The following FAM171A1 variants were observed in gnomAD, a reference collection of about 807,000 sequenced individuals.
FAM171A1 encodes the protein family with sequence similarity 171 member A1, also known as protein FAM171A1.
A neutral mutation model predicts 74.9 loss-of-function variants in FAM171A1; 23 were observed. The ratio of observed to expected loss-of-function variants is 0.31; its 90% confidence interval spans 0.22 to 0.44. The LOEUF (loss-of-function observed/expected upper bound fraction) is 0.44. Among genes scored for constraint, FAM171A1 ranks in the 20% least tolerant of loss-of-function variants. The pLI is 1.00. For missense variants in FAM171A1, 1,162 were observed against 1,159.2 expected (o/e 1.00, Z -0.03); for synonymous variants, 527 against 505.7 (o/e 1.04, Z -0.57).
At chr10:15,296,897 A>C (rs1835167996) in intron 1 of FAM171A1, among the ~76,000 whole-genome samples, 1 of 152,146 alleles carries the variant, frequency 6.6e-6, no homozygotes, top group Admixed American at 6.5e-5. Flanking sequence ...ATCTCAGGCA[A>C]CTGATGCTTA....
In FAM171A1 at chr10:15,214,287, C is replaced by A. The variant is rs1166569856; in HGVS notation, c.1301G>T (p.Cys434Phe). The change falls in exon 8 of 8, where the codon TGC becomes TTC. Residue 434 changes from cysteine (C) to phenylalanine (F), a missense_variant. Transcript: ENST00000378116. ...EFSSREELLS[C>F]KEEDKSQISF... ...GATCTGGCTTTTATCCTCTTCCTTGCAAGAGAGGAGCTCCTCCCGGGAGCT... is the reference window on the plus strand; with the variant it reads ...GATCTGGCTTTTATCCTCTTCCTTGAAAGAGAGGAGCTCCTCCCGGGAGCT... The A allele has an allele frequency of 1.2e-6, 2 of 1,613,710 alleles. No individual in the cohort carries two copies. The highest frequency in any genetic ancestry group is 1.1e-5 in the South Asian group (1 of 90,998).
intron 4 of FAM171A1, among the ~76,000 whole-genome samples, chr10:15,251,540 C>CA (rs1325893939): frequency 3.3e-5 from 5 of 151,658 alleles, no homozygotes; most frequent in African/African-American, 9.7e-5. Flanking sequence ...GTAGCTGGGA[C>CA]AACAGGCACA....
rs188393681 is a variant in FAM171A1, at chr10:15,233,767, T to G, written c.755-12707A>C. On this transcript the variant is annotated intron_variant, in intron 5 of 7. Coordinates refer to ENST00000378116, the MANE Select transcript of FAM171A1 (RefSeq NM_001010924.2). The stretch of plus-strand genomic sequence containing the variant: ...AAATACAAAAAGTAGCTGGGCATGG[T>G]GGCACATGCCTATAATCCCAGCTAT... Among the ~76,000 whole-genome samples the G allele has an allele frequency of 6.4e-3, 972 of 152,204 alleles. 12 individuals are homozygous for G. The highest frequency in any genetic ancestry group is 0.022 in the African/African-American group (930 of 41,528).
intron 1 of FAM171A1, among the ~76,000 whole-genome samples, chr10:15,350,876 C>G (rs547040858): frequency 1.3e-5 from 2 of 152,274 alleles, no homozygotes; most frequent in South Asian, 2.1e-4. Flanking sequence ...CTCCTGACCT[C>G]GAGTGATCTG....
At chr10:15,337,755 C>A (rs1338571108) in intron 1 of FAM171A1, among the ~76,000 whole-genome samples, 1 of 152,184 alleles carries the variant, frequency 6.6e-6, no homozygotes, top group East Asian at 1.9e-4. Flanking sequence ...TTGAGAACAG[C>A]CTGGCCAACG....
At chr10:15,329,173 T>C (rs754839708) in intron 1 of FAM171A1, among the ~76,000 whole-genome samples, 2 of 152,190 alleles carry the variant, frequency 1.3e-5, no homozygotes, top group Non-Finnish European at 2.9e-5. Flanking sequence ...TTTTAGTAGA[T>C]ATTCATGTGT....
chr10:15,282,865 T>C (rs527921728), intron 2 of FAM171A1, among the ~76,000 whole-genome samples: 46 of 152,152 alleles, frequency 3.0e-4, no homozygotes, highest in African/African-American at 1.1e-3. Flanking sequence ...TCTCCTGGGG[T>C]CCTGTCTCAG....
At chr10:15,248,859 C>T (rs1174160340) in intron 4 of FAM171A1, 44 bp from the exon 5 acceptor site, 2 of 1,555,812 alleles carry the variant, frequency 1.3e-6, no homozygotes, top group East Asian at 4.6e-5. Flanking sequence ...GCAAAGTACC[C>T]ATGTGGGGCT....
At chr10:15,335,173 G>T (rs769437639) in intron 1 of FAM171A1, among the ~76,000 whole-genome samples, 1 of 152,190 alleles carries the variant, frequency 6.6e-6, no homozygotes, top group African/African-American at 2.4e-5. Flanking sequence ...GAGCCCAGGA[G>T]GTGGAATTTG....
Position 15,363,143 on chromosome 10 carries a change from G to A in FAM171A1, c.97+7813C>T, listed in dbSNP as rs115148067. ...ATAAAGGAAACGCTTTAGAGGAGAC[G>A]ATTTGAACTGGGAAGAGCAGGAGAC... On this transcript the variant is annotated intron_variant, in intron 1 of 7. Coordinates refer to ENST00000378116, the MANE Select transcript of FAM171A1 (RefSeq NM_001010924.2). Among the ~76,000 whole-genome samples, 645 of 152,304 alleles carry A rather than the reference G, an allele frequency of 4.2e-3. 6 individuals carry two copies. Among genetic ancestry groups the A allele is most frequent in the African/African-American group, 0.015 (623 of 41,558 alleles).
At chr10:15,323,838 T>G (rs1318265793) in intron 1 of FAM171A1, among the ~76,000 whole-genome samples, 1 of 151,762 alleles carries the variant, frequency 6.6e-6, no homozygotes, top group Admixed American at 6.6e-5. Context: ...TAGTCTACTT[T>G]CAACAATTAA....
intron 1 of FAM171A1, among the ~76,000 whole-genome samples, chr10:15,331,757 A>G (rs1835634439): frequency 6.7e-6 from 1 of 150,000 alleles, no homozygotes; most frequent in African/African-American, 2.4e-5. Context: ...GTGTGTATGT[A>G]TATATATATG....
intron 6 of FAM171A1, 118 bp downstream of exon 6, chr10:15,220,826 C>G: frequency 5.3e-6 from 4 of 757,770 alleles, no homozygotes; most frequent in Non-Finnish European, 8.6e-6. Flanking sequence ...GACTTTTAAC[C>G]ATTTTTGAAT....
chr10:15,342,218 T>C (rs59754846), intron 1 of FAM171A1, among the ~76,000 whole-genome samples: 3,911 of 152,088 alleles, frequency 0.026, 169 homozygotes, highest in African/African-American at 0.089. Flanking sequence ...GTGGCACACC[T>C]TCACTGGGAG....
At chr10:15,301,307 G>A (rs1200614846) in intron 1 of FAM171A1, among the ~76,000 whole-genome samples, 1 of 151,356 alleles carries the variant, frequency 6.6e-6, no homozygotes, top group East Asian at 1.9e-4. Flanking sequence ...CGAGTAGCTG[G>A]GATTACAGGC....
chr10:15,244,695 G>A (rs1413680343), intron 5 of FAM171A1, among the ~76,000 whole-genome samples: 3 of 152,138 alleles, frequency 2.0e-5, no homozygotes, highest in Admixed American at 1.3e-4. Flanking sequence ...CAGACTTGGT[G>A]AAGGTGCAGG....
At chr10:15,320,753 T>C (rs1211029721) in intron 1 of FAM171A1, among the ~76,000 whole-genome samples, 2 of 152,266 alleles carry the variant, frequency 1.3e-5, no homozygotes, top group African/African-American at 4.8e-5. Context: ...TGTGTATGTC[T>C]TCTTTTGAGA....
intron 1 of FAM171A1, among the ~76,000 whole-genome samples, chr10:15,336,051 G>A (rs1032459195): frequency 2.6e-5 from 4 of 152,040 alleles, no homozygotes; most frequent in African/African-American, 7.2e-5. Context: ...GGTGTCAGAG[G>A]TCCTTATGAG....
At chr10:15,234,548 T>C (rs1588503407) in intron 5 of FAM171A1, among the ~76,000 whole-genome samples, 1 of 152,220 alleles carries the variant, frequency 6.6e-6, no homozygotes, top group African/African-American at 2.4e-5. Flanking sequence ...CAGTTTCGTA[T>C]TGGCTCACTC....
Sources: gnomAD v4.1 joint callset for allele counts (sites outside exome capture counted in the v4.1 genomes callset) on GRCh38, gnomAD v4.1.1 for gene constraint, MANE v1.5 for transcripts, NCBI Gene and HGNC (gene_info 2026-07-23, HGNC 2026-07-21) for gene names.